Variants in PBX3 observed in about 807,000 individuals in gnomAD.
The protein encoded by PBX3 is PBX homeobox 3.
In PBX3, 14 loss-of-function variants were observed where a neutral mutation model predicts 48.5. That is an observed-to-expected ratio of 0.29 (90% CI 0.19 to 0.45). The LOEUF (loss-of-function observed/expected upper bound fraction) is 0.45. PBX3 is among the 20% of genes least tolerant of loss of function. PBX3 has a pLI of 1.00. For synonymous variants in PBX3, 210 were observed against 200.3 expected (o/e 1.05, Z -0.41); for missense variants, 386 against 546.7 (o/e 0.71, Z 2.93).
intron 2 of PBX3, among the ~76,000 whole-genome samples, chr9:125,860,841 C>T (rs144657243): frequency 8.7e-5 from 12 of 138,196 alleles, no homozygotes; most frequent in East Asian, 4.2e-4. Context: ...GAGCTGAGAT[C>T]GTGCAACTGT....
At chr9:125,960,355 T>C (rs563582019) in intron 5 of PBX3, among the ~76,000 whole-genome samples, 61 of 152,368 alleles carry the variant, frequency 4.0e-4, no homozygotes, top group African/African-American at 1.4e-3. Context: ...AATATTTCCT[T>C]CAGCTTTTCA....
At chr9:125,764,616 A>G (rs1588125359) in intron 2 of PBX3, among the ~76,000 whole-genome samples, 1 of 152,216 alleles carries the variant, frequency 6.6e-6, no homozygotes, top group Non-Finnish European at 1.5e-5. Context: ...TTGTTTTGCA[A>G]AAAGTTTCAA....
chr9:125,943,284 G>A (rs1363039320), intron 5 of PBX3, among the ~76,000 whole-genome samples: 1 of 147,090 alleles, frequency 6.8e-6, no homozygotes, highest in Non-Finnish European at 1.5e-5. Context: ...TGAGCCTAGA[G>A]GTGGAGGTTG....
At position 125,797,796 on chromosome 9, in the gene PBX3, G is replaced by A. The variant is rs369055442; in HGVS notation, c.274+49173G>A. Among the ~76,000 whole-genome samples, 97 of 152,100 alleles carry A rather than the reference G, an allele frequency of 6.4e-4. No homozygotes were observed. The Middle Eastern group carries it at 0.017, about 27-fold the overall frequency. Reference sequence around the variant, plus strand: ...TAGACTTGTTCATTCTACATATCTGGGGTCAGGAAATCTTAAGGAAAATTT... The same window carrying A: ...TAGACTTGTTCATTCTACATATCTGAGGTCAGGAAATCTTAAGGAAAATTT... On this transcript the variant is annotated intron_variant, in intron 2 of 8. Coordinates refer to ENST00000373489, the MANE Select transcript of PBX3 (RefSeq NM_006195.6).
intron 2 of PBX3, among the ~76,000 whole-genome samples, chr9:125,848,276 T>G (rs960789681): frequency 2.6e-5 from 4 of 152,050 alleles, no homozygotes; most frequent in Non-Finnish European, 5.9e-5. Flanking sequence ...CAAGGTATAG[T>G]CTCTTGATTC....
At chr9:125,782,768 T>C (rs60135092) in intron 2 of PBX3, among the ~76,000 whole-genome samples, 9,089 of 152,268 alleles carry the variant, frequency 0.06, 628 homozygotes, top group East Asian at 0.17. Flanking sequence ...TTCTTGGCTT[T>C]GGGGTGACTT....
intron 3 of PBX3, among the ~76,000 whole-genome samples, chr9:125,924,459 T>A (rs1436705572): frequency 6.6e-6 from 1 of 152,224 alleles, no homozygotes; most frequent in Non-Finnish European, 1.5e-5. Flanking sequence ...TTTTTGATAT[T>A]ACACCAAAAC....
chr9:125,861,600 T>C (rs1429150316), intron 2 of PBX3, among the ~76,000 whole-genome samples: 1 of 152,170 alleles, frequency 6.6e-6, no homozygotes, highest in African/African-American at 2.4e-5. Context: ...ATAAACAAAT[T>C]ATGGTATATC....
At chr9:125,760,763 C>T (rs1356715810) in intron 2 of PBX3, among the ~76,000 whole-genome samples, 1 of 152,148 alleles carries the variant, frequency 6.6e-6, no homozygotes, top group African/African-American at 2.4e-5. Context: ...TAAGTACCTA[C>T]AAGTACACTG....
intron 2 of PBX3, among the ~76,000 whole-genome samples, chr9:125,831,155 A>G (rs1383251917): frequency 2.6e-5 from 4 of 152,156 alleles, no homozygotes; most frequent in Non-Finnish European, 4.4e-5. Flanking sequence ...CTATTTGCTG[A>G]ATTTCTTCTA....
intron 2 of PBX3, among the ~76,000 whole-genome samples, chr9:125,853,327 G>T (rs1022737688): frequency 6.6e-6 from 1 of 152,178 alleles, no homozygotes; most frequent in East Asian, 1.9e-4. Flanking sequence ...TTCTAGGAAC[G>T]GTTGCCAAGA....
intron 2 of PBX3, among the ~76,000 whole-genome samples, chr9:125,804,905 CCA>C (rs1838073301): frequency 2.0e-5 from 1 of 50,124 alleles, no homozygotes; most frequent in Non-Finnish European, 6.1e-5. Context: ...TGAGATCATG[CCA>C]CTGCACTCCA....
At chr9:125,823,021 A>C (rs1838700261) in intron 2 of PBX3, among the ~76,000 whole-genome samples, 1 of 151,210 alleles carries the variant, frequency 6.6e-6, no homozygotes, top group Non-Finnish European at 1.5e-5. Flanking sequence ...CTTTGTCAGA[A>C]CCTCCCACCA....
intron 2 of PBX3, among the ~76,000 whole-genome samples, chr9:125,817,115 A>G (rs1282510656): frequency 6.6e-6 from 1 of 152,250 alleles, no homozygotes; most frequent in Non-Finnish European, 1.5e-5. Context: ...TTCTGTGTTG[A>G]TAACCTCAAT....
intron 2 of PBX3, among the ~76,000 whole-genome samples, chr9:125,832,702 AGATAT>A (rs1839000881): frequency 6.6e-6 from 1 of 152,200 alleles, no homozygotes; most frequent in African/African-American, 2.4e-5. Flanking sequence ...TTAGATTCTC[AGATAT>A]GATAGTATTG....
intron 2 of PBX3, among the ~76,000 whole-genome samples, chr9:125,863,324 C>T (rs913421501): frequency 6.6e-6 from 1 of 152,034 alleles, no homozygotes; most frequent in Non-Finnish European, 1.5e-5. Context: ...CTGCTTCAGC[C>T]TCCTGAGTAG....
At chr9:125,963,182 C>T in intron 8 of PBX3, 81 bp downstream of exon 8, 1 of 701,634 alleles carries the variant, frequency 1.4e-6, no homozygotes, top group Non-Finnish European at 2.4e-6. Flanking sequence ...GCCATTTGAC[C>T]TGGCTTCTCA....
At chr9:125,818,282 T>C (rs896758101) in intron 2 of PBX3, among the ~76,000 whole-genome samples, 3 of 151,568 alleles carry the variant, frequency 2.0e-5, no homozygotes, top group Non-Finnish European at 4.4e-5. Context: ...AAAACATTTC[T>C]TACTTAAGTT....
intron 2 of PBX3, among the ~76,000 whole-genome samples, chr9:125,784,389 A>G (rs1322372631): frequency 6.6e-6 from 1 of 152,126 alleles, no homozygotes; most frequent in Admixed American, 6.5e-5. Context: ...TCAGCCTCTT[A>G]AAGTGCTGGG....
Sources: allele counts gnomAD v4.1 joint callset (sites outside exome capture counted in the v4.1 genomes callset), GRCh38; gene constraint gnomAD v4.1.1; transcripts MANE v1.5; gene names NCBI Gene and HGNC (gene_info 2026-07-23, HGNC 2026-07-21).